Variants in CEP83 observed in about 807,000 individuals in gnomAD.
The protein encoded by CEP83 is centrosomal protein of 83 kDa.
CEP83 carries 70 observed loss-of-function variants against 101.9 expected under a neutral mutation model. The ratio of observed to expected loss-of-function variants is 0.69; its 90% CI spans 0.57 to 0.84. The LOEUF (loss-of-function observed/expected upper bound fraction) is 0.84. Among genes scored for constraint, CEP83 ranks in the 40% least tolerant of loss-of-function variants. The probability of loss-of-function intolerance (pLI) is 0.00; values close to 1 mark genes in which losing one functional copy is unlikely to be tolerated. For missense variants in CEP83, 715 were observed against 787.2 expected (o/e 0.91, Z 1.10); for synonymous variants, 264 against 267.9 (o/e 0.99, Z 0.14).
intron 4 of CEP83, among the ~76,000 whole-genome samples, chr12:94,406,673 G>C (rs2063555441): frequency 6.6e-6 from 1 of 152,188 alleles, no homozygotes; most frequent in African/African-American, 2.4e-5. Context: ...TGTAATCCCA[G>C]CACTTTGGGA....
the CEP83 span, chr12:94,279,514 G>A: frequency 1.8e-5 from 29 of 1,614,014 alleles, no homozygotes; most frequent in Middle Eastern, 1.6e-4. Context: ...AAACGAGAGT[G>A]CAGATGTCTG....
At chr12:94,459,488 T>A (rs1429874672) in intron 1 of CEP83, 69 bp downstream of exon 1, 1 of 152,240 alleles carries the variant, frequency 6.6e-6, no homozygotes, top group Non-Finnish European at 1.5e-5. Context: ...AAGGGCAGTT[T>A]GTGGAGGGAC....
chr12:94,423,010 A>C (rs1566161387), intron 2 of CEP83, among the ~76,000 whole-genome samples: 2 of 152,084 alleles, frequency 1.3e-5, no homozygotes, highest in Non-Finnish European at 2.9e-5. Flanking sequence ...TTTATATTTA[A>C]CTTTGTGTAA....
At chr12:94,335,958 A>G (rs2059430339) in intron 11 of CEP83, 1 of 266,038 alleles carries the variant, frequency 3.8e-6, no homozygotes, top group Admixed American at 5.4e-5. Context: ...TAGGATTTTG[A>G]TATACATAAA....
intron 9 of CEP83, chr12:94,369,243 AG>A (rs2061173009): frequency 6.6e-6 from 1 of 152,318 alleles, no homozygotes; most frequent in South Asian, 2.1e-4. Context: ...TCACGAGGTC[AG>A]GAGATCAAGA....
intron 4 of CEP83, among the ~76,000 whole-genome samples, chr12:94,410,707 A>C (rs993525247): frequency 6.6e-6 from 1 of 152,216 alleles, no homozygotes; most frequent in African/African-American, 2.4e-5. Context: ...AAATTAATGC[A>C]TTGATTCTAC....
In CEP83 at chr12:94,308,865, A is replaced by G. The variant is rs747648591; in HGVS notation, c.2054T>C (p.Leu685Pro). 2 of 1,613,046 alleles carry G rather than the reference A, an allele frequency of 1.2e-6. No homozygotes were observed. Among genetic ancestry groups the G allele is most frequent in the South Asian group, 2.2e-5 (2 of 91,050 alleles). ...LSLLRKRLEE[L>P]ETTQRKQLEE... The stretch of plus-strand genomic sequence containing the variant: ...TAGTTGTTTTCTTTGTGTTGTTTCC[A>G]GTTCTTCTAGTCTTTTGCGAAGTAG... The change falls in exon 17 of 17, where the codon CTG (leucine) becomes CCG (proline). Residue 685 changes from leucine (L) to proline (P), a missense_variant. Transcript: ENST00000397809.
intron 7 of CEP83, 99 bp downstream of exon 7, chr12:94,378,690 TAG>T (rs1201677270): frequency 1.1e-5 from 14 of 1,269,538 alleles, no homozygotes; most frequent in Non-Finnish European, 1.5e-5. Flanking sequence ...GCATCAGCAT[TAG>T]CTTGGGGGGC....
chr12:94,339,108 G>A (rs2059572672), intron 11 of CEP83, among the ~76,000 whole-genome samples: 1 of 152,050 alleles, frequency 6.6e-6, no homozygotes, highest in Admixed American at 6.6e-5. Context: ...GGGATTACAG[G>A]CATCCACCAC....
At chr12:94,399,303 T>G (rs761169736) in intron 6 of CEP83, among the ~76,000 whole-genome samples, 13 of 152,228 alleles carry the variant, frequency 8.5e-5, no homozygotes, top group Non-Finnish European at 1.8e-4. Flanking sequence ...GTACTCTTTA[T>G]TTCTCAGCCG....
At chr12:94,355,674 A>G (rs1388701577) in intron 11 of CEP83, among the ~76,000 whole-genome samples, 10 of 152,172 alleles carry the variant, frequency 6.6e-5, no homozygotes, top group Non-Finnish European at 7.4e-5. Context: ...CATGTCCATA[A>G]TGGCCATAAT....
chr12:94,377,993 G>A lies in CEP83; in HGVS notation c.801+798C>T, dbSNP rs1378192557. Among the ~76,000 whole-genome samples, 7 of 148,610 alleles carry A rather than the reference G, an allele frequency of 4.7e-5. No individual in the cohort carries two copies. The South Asian group carries it at 1.5e-3, about 31-fold the overall frequency. ...CCATTGTACTCCTGTACCACTGGCT[G>A]GGGAAAAAAAAAATCACCATCTTGG... On this transcript the variant is annotated intron_variant, in intron 7 of 16. Transcript: ENST00000397809.
At chr12:94,428,326 T>C (rs1378422748) in intron 2 of CEP83, among the ~76,000 whole-genome samples, 4 of 152,226 alleles carry the variant, frequency 2.6e-5, no homozygotes, top group East Asian at 1.9e-4. Context: ...TATGAGCACT[T>C]AGCACCTCTG....
At chr12:94,300,275 C>T in the CEP83 span, among the ~76,000 whole-genome samples, 1 of 152,228 alleles carries the variant, frequency 6.6e-6, no homozygotes, top group East Asian at 1.9e-4. Context: ...ACTAGGTGAT[C>T]TGAGAAGGCC....
chr12:94,283,379 G>A, the CEP83 span, among the ~76,000 whole-genome samples: 1 of 152,158 alleles, frequency 6.6e-6, no homozygotes, highest in Non-Finnish European at 1.5e-5. Flanking sequence ...GGGGGAAGGA[G>A]GGCAGTGACA....
At chr12:94,426,121 CAA>C (rs202127826) in intron 2 of CEP83, among the ~76,000 whole-genome samples, 15 of 121,050 alleles carry the variant, frequency 1.2e-4, no homozygotes, top group East Asian at 2.4e-4. Context: ...AACTCCGTCT[CAA>C]AAAAAAAAAA....
chr12:94,460,216 T>G (rs1305554531), upstream of CEP83: 1 of 152,474 alleles, frequency 6.6e-6, no homozygotes, highest in Non-Finnish European at 1.5e-5. Context: ...GTCTGAGTGA[T>G]GCGCGTCGTT....
At chr12:94,427,494 A>G (rs1227485512) in intron 2 of CEP83, among the ~76,000 whole-genome samples, 1 of 152,166 alleles carries the variant, frequency 6.6e-6, no homozygotes, top group Non-Finnish European at 1.5e-5. Context: ...ACTTCTTTTG[A>G]CTAGTCCCAG....
At chr12:94,393,331 C>A (rs2137429738) in intron 6 of CEP83, among the ~76,000 whole-genome samples, 1 of 152,306 alleles carries the variant, frequency 6.6e-6, no homozygotes, top group Admixed American at 6.5e-5. Context: ...ATATGCAAAT[C>A]AATAAACATA....
Sources: allele counts gnomAD v4.1 joint callset (sites outside exome capture counted in the v4.1 genomes callset), GRCh38; gene constraint gnomAD v4.1.1; transcripts MANE v1.5; gene names NCBI Gene and HGNC (gene_info 2026-07-23, HGNC 2026-07-21).